SLC35A2: variants seen among roughly 807,000 people sequenced by gnomAD.
SLC35A2 encodes solute carrier family 35 member A2.
SLC35A2 carries 1 observed loss-of-function variant against 17.3 expected under a neutral mutation model. The ratio of observed to expected loss-of-function variants is 0.06; its 90% confidence interval spans 0.02 to 0.27. SLC35A2 has a LOEUF of 0.27. Ranked by LOEUF, SLC35A2 falls within the 10% of genes least tolerant of loss-of-function variation. The pLI is 1.00. For synonymous variants in SLC35A2, 161 were observed against 161.3 expected, an observed-to-expected ratio of 1.00 and a Z score of 0.01; for missense variants, 191 against 339.3, an observed-to-expected ratio of 0.56 and a Z score of 3.43.
At chrX:48,904,577 C>T in intron 4 of SLC35A2, 169 bp downstream of exon 4, 1 of 1,197,264 alleles carries the variant, frequency 8.4e-7, no homozygotes, top group East Asian at 3.0e-5. Flanking sequence ...AGTCCCACAC[C>T]CCTCCAGAAG....
intron 2 of SLC35A2, among the ~76,000 whole-genome samples, chrX:48,908,720 G>A (rs147394281): frequency 2.7e-5 from 3 of 112,071 alleles, no homozygotes; most frequent in Non-Finnish European, 3.8e-5. Flanking sequence ...ACGGCCTGAG[G>A]CAGTGTTCAC....
Position 48,907,180 on chromosome X carries a change from AAAAG to A in SLC35A2, c.275-641_275-638del, listed in dbSNP as rs1325471570. Among the ~76,000 whole-genome samples the A allele has an allele frequency of 1.0e-4, 11 of 109,559 alleles. No homozygotes were observed. The South Asian group carries it at 3.1e-3, about 31-fold the overall frequency. On this transcript the variant is annotated intron_variant, in intron 2 of 4. Transcript: ENST00000247138. ...TGAGACTCCATCTCAAAAAAAAAAA[AAAAG>A]AAAGAAAGAAATAACCATCATTAAC...
chrX:48,910,237 G>C (rs1557043772), intron 1 of SLC35A2: 4 of 1,140,884 alleles, frequency 3.5e-6, no homozygotes, highest in Non-Finnish European at 4.6e-6. Context: ...TCCATACCTG[G>C]AATCCTTACT....
intron 4 of SLC35A2, 79 bp from the exon 5 acceptor site, chrX:48,903,544 G>A (rs1026701347): frequency 5.4e-6 from 3 of 557,275 alleles, no homozygotes; most frequent in Admixed American, 2.4e-5. Context: ...AAGTGAGGGC[G>A]GCGGTGGTGA....
chrX:48,908,711 C>T (rs1010578176), intron 2 of SLC35A2, among the ~76,000 whole-genome samples: 2 of 112,080 alleles, frequency 1.8e-5, no homozygotes, highest in African/African-American at 6.5e-5. Flanking sequence ...TCTACCCCCA[C>T]GGCCTGAGGC....
chrX:48,910,464 T>G lies in SLC35A2; in HGVS notation c.92-468A>C. On this transcript the variant is annotated intron_variant, in intron 1 of 4. Coordinates refer to ENST00000247138, the MANE Select transcript of SLC35A2 (RefSeq NM_005660.3). ...CCAAAAGAACTGCGAGGATTCCCAT[T>G]TATGGATTAGCAAACTGAGAATTTA... 6.9e-6 allele frequency: 3 copies of G among 432,266 alleles called. No homozygotes were observed. The Admixed American group carries it at 1.4e-4, about 21-fold the overall frequency. 35.6% of individuals were successfully genotyped at this position (432,266 alleles called of 1,213,427 possible). A position where few individuals can be genotyped will look rare whatever the true frequency, so the allele number is the denominator to read the frequency against.
chrX:48,909,075 T>G (rs1557043503), intron 2 of SLC35A2, among the ~76,000 whole-genome samples: 1 of 112,265 alleles, frequency 8.9e-6, no homozygotes, highest in African/African-American at 3.2e-5. Context: ...ACCTGTTTTC[T>G]CCAACAAATT....
chrX:48,907,705 G>A (rs1480023542), intron 2 of SLC35A2, among the ~76,000 whole-genome samples: 5 of 112,141 alleles, frequency 4.5e-5, no homozygotes, highest in Admixed American at 2.8e-4. Context: ...GCAGAAGTCC[G>A]CTTGGGACCT....
At chrX:48,905,749 C>G (rs782724978) in intron 3 of SLC35A2, 8 of 343,544 alleles carry the variant, frequency 2.3e-5, no homozygotes, top group African/African-American at 2.1e-4. Flanking sequence ...TGACTGGGGA[C>G]AAAGCACTTG....
At position 48,905,071 on chromosome X, in the gene SLC35A2, A is replaced by G. The variant is rs2063479229; in HGVS notation, c.838T>C (p.Phe280Leu). ...AVWGVVLNQA[F>L]GGLLVAVVVK... Reference sequence around the variant, plus strand: ...ACCACAGCCACCAGTAGCCCGCCGAAGGCCTGGTTGAGCACCACGCCCCAG... The same window carrying G: ...ACCACAGCCACCAGTAGCCCGCCGAGGGCCTGGTTGAGCACCACGCCCCAG... Residue 280 changes from phenylalanine (F) to leucine (L), a missense_variant, in exon 4 of 5, where the codon TTC (phenylalanine) becomes CTC (leucine). By Grantham distance (22) the Phe-to-Leu change is conservative. Transcript: ENST00000247138. 5.0e-6 allele frequency: 6 copies of G among 1,211,652 alleles called. No homozygotes were observed. The highest frequency in any genetic ancestry group is 6.7e-6 in the Non-Finnish European group (6 of 895,273).
At chrX:48,908,890 T>C (rs1185729075) in intron 2 of SLC35A2, among the ~76,000 whole-genome samples, 1 of 112,271 alleles carries the variant, frequency 8.9e-6, no homozygotes, top group Non-Finnish European at 1.9e-5. Context: ...AGAGAAACAA[T>C]TGGGCAACAC....
In SLC35A2 at chrX:48,906,467, C is replaced by T. The variant is rs782742039; in HGVS notation, c.351G>A (p.Val117=). The part of the protein sequence containing the change: ...VQYVDTLKLA[V]PSLIYTLQNN... ...TCTGCAAGGTGTAGATGAGAGAGGG[C>T]ACTGCGAGCTTGAGCGTGTCCACAT... Residue 117 remains valine, a synonymous_variant, in exon 3 of 5, where the codon GTG becomes GTA. Transcript: ENST00000247138. 10 of 1,208,851 alleles carry T rather than the reference C, an allele frequency of 8.3e-6. No individual in the cohort carries two copies. Among genetic ancestry groups the T allele is most frequent in the Non-Finnish European group, 1.1e-5 (10 of 892,851 alleles).
intron 1 of SLC35A2, among the ~76,000 whole-genome samples, chrX:48,911,148 CT>C (rs1557043971): frequency 3.6e-5 from 4 of 110,974 alleles, no homozygotes; most frequent in African/African-American, 1.3e-4. Flanking sequence ...TCGCCCCACC[CT>C]AACTCACAAT....
At chrX:48,904,364 G>A in intron 4 of SLC35A2, 1 of 1,070,472 alleles carries the variant, frequency 9.3e-7, no homozygotes, top group South Asian at 2.5e-5. Flanking sequence ...TGGAGGGACT[G>A]CTGGGAGGGA....
At chrX:48,906,370 C>T in intron 3 of SLC35A2, 22 bp downstream of exon 3, 1 of 1,203,498 alleles carries the variant, frequency 8.3e-7, no homozygotes, top group Non-Finnish European at 1.1e-6. Flanking sequence ...TCCTCTGGGG[C>T]CATGCTGGGC....
intron 3 of SLC35A2, 140 bp downstream of exon 3, chrX:48,906,251 AG>A (rs1389146173): frequency 7.4e-6 from 4 of 544,122 alleles, no homozygotes; most frequent in Non-Finnish European, 1.3e-5. Flanking sequence ...AGACGAGAAA[AG>A]GGAGGTTGAA....
intron 3 of SLC35A2, chrX:48,906,183 T>C: frequency 2.2e-6 from 1 of 460,566 alleles, no homozygotes; most frequent in South Asian, 3.2e-5. Context: ...TATTATTTCT[T>C]TTAAGTATCC....
intron 1 of SLC35A2, chrX:48,910,367 T>C: frequency 1.1e-6 from 1 of 870,885 alleles, no homozygotes. Context: ...TTATTGAGTG[T>C]TTACTGTATG....
intron 2 of SLC35A2, 106 bp downstream of exon 2, chrX:48,909,708 T>C (rs1422084883): frequency 4.2e-6 from 3 of 711,470 alleles, no homozygotes; most frequent in Non-Finnish European, 4.2e-6. Flanking sequence ...TCCAGGCAGG[T>C]TGAGATTTGG....
Sources: allele counts gnomAD v4.1 joint callset (sites outside exome capture counted in the v4.1 genomes callset), GRCh38; gene constraint gnomAD v4.1.1; transcripts MANE v1.5; gene names NCBI Gene and HGNC (gene_info 2026-07-23, HGNC 2026-07-21).